The following KIAA1671 variants were observed in gnomAD, a reference collection of about 807,000 sequenced individuals.
The protein encoded by KIAA1671 is uncharacterized protein KIAA1671.
A neutral mutation model predicts 131.2 loss-of-function variants in KIAA1671; 52 were observed. That is an observed-to-expected ratio of 0.40 (90% CI 0.32 to 0.50). The LOEUF is 0.50. Ranked by LOEUF, KIAA1671 falls within the 20% of genes least tolerant of loss-of-function variation. The pLI, the probability that KIAA1671 is intolerant of heterozygous loss-of-function variation, is 0.73. For synonymous variants in KIAA1671, 1,003 were observed against 961.6 expected, an observed-to-expected ratio of 1.04 and a Z score of -0.80; for missense variants, 2,360 against 2,364.2, an observed-to-expected ratio of 1.00 and a Z score of 0.04.
At chr22:25,019,139 C>T (rs1269167937) in intron 1 of KIAA1671, among the ~76,000 whole-genome samples, 1 of 148,724 alleles carries the variant, frequency 6.7e-6, no homozygotes, top group East Asian at 2.0e-4. Context: ...GTGCCTTTTA[C>T]ATTTGAACAC....
chr22:24,959,343 TA>T (rs956436457), intron 1 of KIAA1671, among the ~76,000 whole-genome samples: 4 of 150,000 alleles, frequency 2.7e-5, no homozygotes, highest in Admixed American at 6.7e-5. Context: ...CCATCTCTAC[TA>T]AAAAAAAATA....
At chr22:25,160,775 G>A (rs1390263598) in intron 6 of KIAA1671, among the ~76,000 whole-genome samples, 1 of 152,196 alleles carries the variant, frequency 6.6e-6, no homozygotes. Flanking sequence ...CACTGAGGGG[G>A]AGTCAGTGGC....
chr22:25,170,483 G>T (rs1054478123), intron 6 of KIAA1671, among the ~76,000 whole-genome samples: 2 of 152,210 alleles, frequency 1.3e-5, no homozygotes, highest in Non-Finnish European at 2.9e-5. Flanking sequence ...GAAGATGAGA[G>T]AAGTGTGCCC....
At position 25,186,759 on chromosome 22, in the gene KIAA1671, G is replaced by A. The variant is rs73162220; in HGVS notation, c.5342+1640G>A. 6.1e-3 allele frequency among the ~76,000 whole-genome samples: 934 copies of A among 152,382 alleles called. 7 individuals carry two copies. The highest frequency in any genetic ancestry group is 9.7e-3 in the Non-Finnish European group (661 of 68,042). On this transcript the variant is annotated intron_variant, in intron 11 of 12. Coordinates refer to ENST00000358431, the MANE Select transcript of KIAA1671 (RefSeq NM_001145206.2). ...CAGATGTACCTGGGAGCCTCAGGCAGTGTAAAATACATAGCGCAGAGTGGG... is the reference window on the plus strand; with the variant it reads ...CAGATGTACCTGGGAGCCTCAGGCAATGTAAAATACATAGCGCAGAGTGGG...
intron 11 of KIAA1671, among the ~76,000 whole-genome samples, chr22:25,187,619 C>T (rs1486922240): frequency 6.6e-6 from 1 of 152,128 alleles, no homozygotes; most frequent in African/African-American, 2.4e-5. Context: ...GTGAATCCTC[C>T]CACCTCAGCC....
intron 1 of KIAA1671, among the ~76,000 whole-genome samples, chr22:24,988,371 G>T (rs763220291): frequency 3.3e-5 from 5 of 151,534 alleles, no homozygotes; most frequent in Admixed American, 1.3e-4. Context: ...TCTGACCCCC[G>T]CTCAGTGGGA....
intron 11 of KIAA1671, among the ~76,000 whole-genome samples, chr22:25,189,394 T>C (rs1162317171): frequency 6.6e-6 from 1 of 152,032 alleles, no homozygotes; most frequent in Non-Finnish European, 1.5e-5. Flanking sequence ...GGGATGGTCT[T>C]GATCTCCTGA....
chr22:25,093,719 ACACACACACACACACACACTCTCTCT>A lies in KIAA1671; in HGVS notation c.4530+44357_4530+44382del, dbSNP rs1568950866. 9.6e-5 allele frequency among the ~76,000 whole-genome samples: 10 copies of A among 104,364 alleles called. 1 individual carries two copies. The highest frequency in any genetic ancestry group is 2.8e-4 in the South Asian group (1 of 3,622). The allele number at this position is 104,364 out of a possible 152,430, so 68.5% of individuals were successfully genotyped here. A position where few individuals can be genotyped will look rare whatever the true frequency, so the allele number is the denominator to read the frequency against. On this transcript the variant is annotated intron_variant, in intron 6 of 12. Transcript: ENST00000358431. Reference sequence around the variant, plus strand: ...CACACACACACACACACACACACACACACACACACACACACACACTCTCTCTCTCTCTCTCTCTCTCTCTCTCTGTC... The same window carrying A: ...CACACACACACACACACACACACACACTCTCTCTCTCTCTCTCTCTCTGTC...
chr22:25,102,382 GTGAGA>G, intron 6 of KIAA1671: 1 of 150,416 alleles, frequency 6.6e-6, no homozygotes, highest in East Asian at 1.9e-4. Context: ...CATTTGAACA[GTGAGA>G]TGATAGGAAT....
At chr22:25,178,026 C>G (rs1934102937) in intron 9 of KIAA1671, among the ~76,000 whole-genome samples, 1 of 152,180 alleles carries the variant, frequency 6.6e-6, no homozygotes, top group Non-Finnish European at 1.5e-5. Flanking sequence ...AGGATGGAAG[C>G]TGAGGGCCCT....
chr22:25,146,803 C>T (rs903424697), intron 6 of KIAA1671, among the ~76,000 whole-genome samples: 64 of 152,136 alleles, frequency 4.2e-4, no homozygotes, highest in African/African-American at 1.5e-3. Context: ...AGTCAGTGCC[C>T]AATCAGTGTT....
intron 1 of KIAA1671, among the ~76,000 whole-genome samples, chr22:24,997,089 A>G (rs772683432): frequency 2.0e-5 from 3 of 152,196 alleles, no homozygotes; most frequent in African/African-American, 4.8e-5. Context: ...GATTTGCTTC[A>G]GCAAATGTTT....
intron 1 of KIAA1671, among the ~76,000 whole-genome samples, chr22:25,000,082 A>C (rs1924358728): frequency 6.9e-6 from 1 of 145,434 alleles, no homozygotes; most frequent in South Asian, 2.2e-4. Flanking sequence ...ATGGGGTTTC[A>C]CCGTGTTAGC....
intron 6 of KIAA1671, among the ~76,000 whole-genome samples, chr22:25,096,070 C>CCTGTCCTCT (rs1930377293): frequency 6.6e-6 from 1 of 152,192 alleles, no homozygotes; most frequent in African/African-American, 2.4e-5. Flanking sequence ...GGGAGTTCTT[C>CCTGTCCTCT]CTGTCCTCTC....
chr22:25,032,768 A>G, intron 4 of KIAA1671, 72 bp downstream of exon 4: 1 of 908,520 alleles, frequency 1.1e-6, no homozygotes, highest in East Asian at 2.7e-5. Context: ...AAGAGCCTCC[A>G]TGATCTTCTA....
Position 25,193,102 on chromosome 22 carries a change from T to G in KIAA1671, c.*701T>G, listed in dbSNP as rs1391439718. ...GGCGATAAAGCAATAATTCAGCTAA[T>G]TTTCTTTGAAACTTGATAGGTATAT... On this transcript the variant is annotated 3_prime_UTR_variant, in exon 13 of 13. Coordinates refer to ENST00000358431, the MANE Select transcript of KIAA1671 (RefSeq NM_001145206.2). 1 of 152,198 alleles carries G rather than the reference T, an allele frequency of 6.6e-6. No homozygotes were observed. The highest frequency in any genetic ancestry group is 1.5e-5 in the Non-Finnish European group (1 of 68,040). 9.4% of individuals were successfully genotyped at this position (152,198 alleles called of 1,614,324 possible).
In KIAA1671 at chr22:25,038,070, T is replaced by C. The variant is rs372837400; in HGVS notation, c.1630-690T>C. On this transcript the variant is annotated intron_variant, in intron 4 of 12. Coordinates refer to ENST00000358431, the MANE Select transcript of KIAA1671 (RefSeq NM_001145206.2). ...GGCTGGAGTCTTGAATTCCTGAGCT[T>C]AGGTGATCCACTTGCTTTGGCCTCC... Among the ~76,000 whole-genome samples the C allele has an allele frequency of 1.8e-3, 270 of 152,284 alleles. 6 individuals are homozygous for C. The South Asian group carries it at 0.04, about 23-fold the overall frequency.
At position 25,039,014 on chromosome 22, in the gene KIAA1671, G is replaced by C; in HGVS notation, c.1884G>C (p.Ser628=). Reference sequence around the variant, plus strand: ...AGAGACACACAGTGGCTGACCAGTCGGGACGTTGTCTCTCCACCACACCCC... The same window carrying C: ...AGAGACACACAGTGGCTGACCAGTCCGGACGTTGTCTCTCCACCACACCCC... ...HVERHTVADQ[S]GRCLSTTPPG... The change falls in exon 5 of 13, where the codon TCG becomes TCC. Residue 628 remains serine (S), a synonymous_variant. Transcript: ENST00000358431. The C allele has an allele frequency of 6.4e-7, 1 of 1,551,680 alleles. No individual in the cohort carries two copies. Among genetic ancestry groups the C allele is most frequent in the East Asian group, 2.4e-5 (1 of 40,922 alleles).
chr22:25,055,262 G>C (rs2145827666), intron 6 of KIAA1671: 1 of 150,022 alleles, frequency 6.7e-6, no homozygotes, highest in Non-Finnish European at 1.5e-5. Flanking sequence ...TGAAATAAGT[G>C]GGAACTTGTG....
Sources: allele counts gnomAD v4.1 joint callset (sites outside exome capture counted in the v4.1 genomes callset), GRCh38; gene constraint gnomAD v4.1.1; transcripts MANE v1.5; gene names NCBI Gene and HGNC (gene_info 2026-07-23, HGNC 2026-07-21).